Variants in MCM9 observed in about 807,000 individuals in gnomAD.
The protein encoded by MCM9 is minichromosome maintenance 9 homologous recombination repair factor, also known as DNA helicase MCM9.
Under a neutral mutation model 72.8 loss-of-function variants are expected in MCM9, and 55 were observed. The observed-to-expected ratio is 0.76, with a 90% CI of 0.61 to 0.95. MCM9 has a LOEUF of 0.95. MCM9 is among the 40% of genes least tolerant of loss of function. The pLI, the probability that MCM9 is intolerant of heterozygous loss-of-function variation, is 0.00. For synonymous variants in MCM9, 480 were observed against 503.4 expected (o/e 0.95, Z 0.62); for missense variants, 1,279 against 1,377.0 (o/e 0.93, Z 1.13).
intron 8 of MCM9, among the ~76,000 whole-genome samples, chr6:118,882,258 G>A (rs1258663431): frequency 6.6e-6 from 1 of 152,208 alleles, no homozygotes; most frequent in Non-Finnish European, 1.5e-5. Flanking sequence ...AGCTCAGAGA[G>A]TTTGACCAGG....
intron 8 of MCM9, among the ~76,000 whole-genome samples, chr6:118,867,738 C>T (rs74214024): frequency 0.73 from 110,879 of 151,986 alleles, 41,480 homozygotes; most frequent in South Asian, 0.83. Flanking sequence ...GATGTTCATA[C>T]AATGACAAAA....
intron 8 of MCM9, among the ~76,000 whole-genome samples, chr6:118,893,192 C>A (rs1327936635): frequency 2.0e-5 from 3 of 152,156 alleles, no homozygotes; most frequent in Non-Finnish European, 4.4e-5. Context: ...ATAAACGAAT[C>A]AACATTTCCT....
At chr6:118,896,940 CA>C (rs1297802864) in intron 8 of MCM9, among the ~76,000 whole-genome samples, 1 of 152,078 alleles carries the variant, frequency 6.6e-6, no homozygotes, top group African/African-American at 2.4e-5. Flanking sequence ...TGGGCTTAAG[CA>C]ATCCTCCCAC....
chr6:118,838,447 C>T (rs957684393), intron 9 of MCM9, among the ~76,000 whole-genome samples: 3 of 151,944 alleles, frequency 2.0e-5, no homozygotes, highest in African/African-American at 7.3e-5. Flanking sequence ...GCACCTGCCA[C>T]CACGCCCGGC....
chr6:118,924,956 G>A (rs555322964), intron 3 of MCM9, among the ~76,000 whole-genome samples: 1 of 152,074 alleles, frequency 6.6e-6, no homozygotes, highest in Admixed American at 6.5e-5. Context: ...GAAGTGGGAG[G>A]ATCTCTTGAG....
At chr6:118,894,259 G>C (rs1029007458) in intron 8 of MCM9, 1 of 1,456,344 alleles carries the variant, frequency 6.9e-7, no homozygotes, top group African/African-American at 1.4e-5. Context: ...GTGCTCCCGT[G>C]TAAATAAAAA....
chr6:118,835,786 C>T (rs1774913780), intron 9 of MCM9, among the ~76,000 whole-genome samples: 2 of 152,168 alleles, frequency 1.3e-5, no homozygotes, highest in Non-Finnish European at 2.9e-5. Context: ...ACAATCATGT[C>T]ATCTGCAGAC....
rs1781659971 is a variant in MCM9, at chr6:118,924,008, C to G, written c.424G>C (p.Glu142Gln). 6.8e-6 allele frequency: 11 copies of G among 1,614,094 alleles called. No individual in the cohort carries two copies. Among genetic ancestry groups the G allele is most frequent in the Non-Finnish European group, 7.6e-6 (9 of 1,180,036 alleles). The change falls in exon 4 of 14, where the codon GAG becomes CAG. Residue 142 changes from glutamate (E) to glutamine (Q), a missense_variant. Physicochemically the swap from Glu to Gln is conservative, Grantham distance 29. Coordinates refer to ENST00000619706, the MANE Select transcript of MCM9 (RefSeq NM_017696.3). ...CATTTGTTACACATGTAATCCCGCT[C>G]AAACTCCAGAACCTTCACCAGACTT... ...RTSLVKVLEFERDYMCNKCKH... is the reference protein window; with the variant it reads ...RTSLVKVLEFQRDYMCNKCKH...
rs1199293248 is a variant in MCM9, at chr6:118,816,296, T to C, written c.1962-2A>G. ...TGGTGCACACTCTGATTCTGTAACCTGTAGCAAAGACAAATAAATAAAACA... is the reference window on the plus strand; with the variant it reads ...TGGTGCACACTCTGATTCTGTAACCCGTAGCAAAGACAAATAAATAAAACA... On this transcript the variant is annotated splice_acceptor_variant, in intron 13 of 13. Coordinates refer to ENST00000619706, the MANE Select transcript of MCM9 (RefSeq NM_017696.3). LOFTEE classifies it high-confidence loss of function. The C allele has an allele frequency of 1.3e-6, 2 of 1,508,234 alleles. No homozygotes were observed. The highest frequency in any genetic ancestry group is 1.8e-6 in the Non-Finnish European group (2 of 1,126,106). 93.4% of individuals were successfully genotyped at this position (1,508,234 alleles called of 1,614,324 possible).
In MCM9 at chr6:118,815,953, G is replaced by C. The variant is rs902198294; in HGVS notation, c.2303C>G (p.Ser768Cys). The stretch of plus-strand genomic sequence containing the variant: ...GATCTTCGAAGCCATATTTTCTCCA[G>C]ATGTTTTGGGATGAGGAGACACAAC... ...TVVVSPHPKT[S>C]GENMASKISN... Residue 768 changes from serine (S) to cysteine (C), a missense_variant, in exon 14 of 14, where the codon TCT (serine) becomes TGT (cysteine). Transcript: ENST00000619706. The C allele has an allele frequency of 1.9e-6, 3 of 1,550,368 alleles. No individual in the cohort carries two copies. Among genetic ancestry groups the C allele is most frequent in the Admixed American group, 2.0e-5 (1 of 50,978 alleles).
intron 8 of MCM9, among the ~76,000 whole-genome samples, chr6:118,904,895 T>C (rs1236992889): frequency 6.6e-6 from 1 of 152,238 alleles, no homozygotes; most frequent in Non-Finnish European, 1.5e-5. Context: ...TGGAGTGCAG[T>C]AGTGCGATCT....
At chr6:118,871,785 T>C (rs892402233) in intron 8 of MCM9, among the ~76,000 whole-genome samples, 8 of 151,870 alleles carry the variant, frequency 5.3e-5, no homozygotes, top group African/African-American at 1.9e-4. Context: ...TGGGCCCCTG[T>C]AGTCCCAGCT....
rs1403320238 is a variant in MCM9, at chr6:118,934,981, A to G, written c.-240T>C. On this transcript the variant is annotated 5_prime_UTR_variant, in exon 1 of 14. Transcript: ENST00000619706. The stretch of plus-strand genomic sequence containing the variant: ...CAGGCAGCGGGTTCGTCTCCGGCGC[A>G]AGAAGGCTGGTGAGGCGGAGTGCGC... 6.6e-6 allele frequency: 1 copy of G among 152,180 alleles called. No individual in the cohort carries two copies. Among genetic ancestry groups the G allele is most frequent in the Non-Finnish European group, 1.5e-5 (1 of 68,062 alleles). 9.4% of individuals were successfully genotyped at this position (152,180 alleles called of 1,614,324 possible). A position where few individuals can be genotyped will look rare whatever the true frequency, so the allele number is the denominator to read the frequency against.
In MCM9 at chr6:118,900,785, C is replaced by A. The variant is rs1361826463; in HGVS notation, c.1150+10865G>T. ...CCCTAGACTTGGAATGGAAAATTAT[C>A]TATGTGGGCTCTGCAGAAAGTGAAG... On this transcript the variant is annotated intron_variant, in intron 8 of 13. Coordinates refer to ENST00000619706, the MANE Select transcript of MCM9 (RefSeq NM_017696.3). 1.9e-6 allele frequency: 3 copies of A among 1,613,022 alleles called. No homozygotes were observed. The South Asian group carries it at 3.3e-5, about 18-fold the overall frequency.
Position 118,935,000 on chromosome 6 carries a change from A to G in MCM9, c.-259T>C, listed in dbSNP as rs62422266. The G allele has an allele frequency of 0.58, 88,031 of 151,764 alleles. 26,056 individuals are homozygous for G. The highest frequency in any genetic ancestry group is 0.69 in the East Asian group (3,510 of 5,104). 9.4% of individuals were successfully genotyped at this position (151,764 alleles called of 1,614,324 possible). ...CGGCGCAAGAAGGCTGGTGAGGCGG[A>G]GTGCGCGCGTGCACGTGGCCGCTCG... On this transcript the variant is annotated 5_prime_UTR_variant, in exon 1 of 14. Coordinates refer to ENST00000619706, the MANE Select transcript of MCM9 (RefSeq NM_017696.3).
chr6:118,849,654 TAG>T (rs1182607187), intron 9 of MCM9, among the ~76,000 whole-genome samples: 1 of 151,782 alleles, frequency 6.6e-6, no homozygotes, highest in Non-Finnish European at 1.5e-5. Context: ...TCCTTCTACT[TAG>T]AGACTAAAAA....
intron 3 of MCM9, among the ~76,000 whole-genome samples, chr6:118,926,931 A>T (rs906299691): frequency 6.6e-6 from 1 of 152,248 alleles, no homozygotes; most frequent in Non-Finnish European, 1.5e-5. Context: ...TATGATAATT[A>T]ACCCAATTTG....
At chr6:118,895,082 C>T (rs1463527302) in intron 8 of MCM9, among the ~76,000 whole-genome samples, 2 of 152,146 alleles carry the variant, frequency 1.3e-5, no homozygotes, top group Non-Finnish European at 2.9e-5. Context: ...TCGCCGCACT[C>T]TCCGGGCTGG....
intron 8 of MCM9, among the ~76,000 whole-genome samples, chr6:118,863,396 A>T (rs1431975196): frequency 6.6e-6 from 1 of 152,236 alleles, no homozygotes; most frequent in Non-Finnish European, 1.5e-5. Flanking sequence ...CATATAATTG[A>T]TATGCTAAGT....
Sources: gnomAD v4.1 joint callset for allele counts (sites outside exome capture counted in the v4.1 genomes callset) on GRCh38, gnomAD v4.1.1 for gene constraint, MANE v1.5 for transcripts, NCBI Gene and HGNC (gene_info 2026-07-23, HGNC 2026-07-21) for gene names.